The following BNIP5 variants were observed in gnomAD, a reference collection of about 807,000 sequenced individuals.
BNIP5 encodes BCL2 interacting protein 5.
In BNIP5, 61 loss-of-function variants were observed where a neutral mutation model predicts 67.3. The observed-to-expected ratio is 0.91, with a 90% CI of 0.74 to 1.12. BNIP5 has a LOEUF of 1.12. BNIP5 is among the 50% of genes most tolerant of loss of function. The pLI is 0.00. For synonymous variants in BNIP5, 317 were observed against 319.0 expected (o/e 0.99, Z 0.07); for missense variants, 826 against 816.3 (o/e 1.01, Z -0.14).
intron 4 of BNIP5, 136 bp downstream of exon 4, chr6:36,326,894 G>T: frequency 7.1e-7 from 1 of 1,410,566 alleles, no homozygotes; most frequent in Non-Finnish European, 1.0e-6. Flanking sequence ...GGGGAGGGCT[G>T]AGTTCTGAAG....
At position 36,330,489 on chromosome 6, in the gene BNIP5, C is replaced by T; in HGVS notation, c.202G>A (p.Ala68Thr). ...GGGGCTGCAGCGGTGGTGCAGTGAG[C>T]CTCTGCAGATGGAGCTGGGCTGTCT... ...HSDSPAPSAE[A>T]HCTTAAAPTP... The change falls in exon 2 of 12, where the codon GCT (alanine) becomes ACT (threonine). Residue 68 changes from alanine to threonine, a missense_variant. Transcript: ENST00000437635. 1.9e-6 allele frequency: 3 copies of T among 1,614,158 alleles called. No individual in the cohort carries two copies. The highest frequency in any genetic ancestry group is 1.7e-6 in the Non-Finnish European group (2 of 1,180,018).
chr6:36,319,582 A>C lies in BNIP5; in HGVS notation c.1697T>G (p.Phe566Cys). The change falls in exon 11 of 12, where the codon TTT (phenylalanine) becomes TGT (cysteine). Residue 566 changes from phenylalanine (F) to cysteine (C), a missense_variant. Transcript: ENST00000437635. ...GGAGGAGTCCGAGAACTCGTAAAAAAACCTCTTAAAGCTGGGGTGGCGCCT... is the reference window on the plus strand; with the variant it reads ...GGAGGAGTCCGAGAACTCGTAAAAACACCTCTTAAAGCTGGGGTGGCGCCT... ...QIRRHPSFKR[F>C]FYEFSDSSLS... is the part of the protein sequence containing the mutation. The C allele has an allele frequency of 6.2e-7, 1 of 1,613,242 alleles. No individual in the cohort carries two copies. Among genetic ancestry groups the C allele is most frequent in the Non-Finnish European group, 8.5e-7 (1 of 1,179,302 alleles).
In BNIP5 at chr6:36,326,504, G is replaced by C; in HGVS notation, c.1036+6C>G. 1 of 1,614,150 alleles carries C rather than the reference G, an allele frequency of 6.2e-7. No homozygotes were observed. The highest frequency in any genetic ancestry group is 1.3e-5 in the African/African-American group (1 of 75,048). ...GGTTGCTATGGCAACTGCAGAGCCT[G>C]CTCACCATAGCTGCTGGAGATGGAA... On this transcript the variant is annotated splice_donor_region_variant and intron_variant, in intron 5 of 11. Transcript: ENST00000437635.
intron 2 of BNIP5, 73 bp from the exon 3 acceptor site, chr6:36,328,787 G>T: frequency 1.1e-6 from 1 of 930,910 alleles, no homozygotes; most frequent in Non-Finnish European, 1.8e-6. Flanking sequence ...TCCTGACTTT[G>T]TTCATCAACA....
intron 6 of BNIP5, among the ~76,000 whole-genome samples, chr6:36,324,585 A>G (rs1231362910): frequency 5.2e-4 from 1 of 1,934 alleles, no homozygotes; most frequent in Non-Finnish European, 1.0e-3. Context: ...TTATATATAT[A>G]TATATATATA....
intron 7 of BNIP5, 139 bp downstream of exon 7, chr6:36,323,990 A>G (rs1771695917): frequency 7.4e-6 from 5 of 678,628 alleles, no homozygotes; most frequent in East Asian, 2.5e-5. Flanking sequence ...ACAGAGCAAG[A>G]CTCCGTCTCC....
chr6:36,317,400 A>G lies in BNIP5; in HGVS notation c.1924-9T>C. On this transcript the variant is annotated splice_polypyrimidine_tract_variant and intron_variant, in intron 11 of 11. Transcript: ENST00000437635. ...TTAGGACTTGTGATGTTCTGGGAAG[A>G]GAAAAAGAACATAGGTGTTAGCCAC... The G allele has an allele frequency of 1.2e-6, 2 of 1,611,924 alleles. No individual in the cohort carries two copies. The highest frequency in any genetic ancestry group is 8.5e-7 in the Non-Finnish European group (1 of 1,177,988).
Position 36,330,473 on chromosome 6 carries a change from G to A in BNIP5, c.218C>T (p.Ala73Val). The change falls in exon 2 of 12, where the codon GCT becomes GTT. Residue 73 changes from alanine (A) to valine (V), a missense_variant. By Grantham distance (64) the Ala-to-Val change is moderately conservative. Transcript: ENST00000437635. ...GGTCTCCTCGGGAGTGGGGGCTGCA[G>A]CGGTGGTGCAGTGAGCCTCTGCAGA... is the stretch of plus-strand genomic sequence containing the variant. ...APSAEAHCTTAAAPTPEETGD... is the reference protein window; with the variant it reads ...APSAEAHCTTVAAPTPEETGD... 2.5e-6 allele frequency: 4 copies of A among 1,614,234 alleles called. No individual in the cohort carries two copies. Among genetic ancestry groups the A allele is most frequent in the Non-Finnish European group, 3.4e-6 (4 of 1,180,046 alleles).
chr6:36,328,649 A>T lies in BNIP5; in HGVS notation c.676T>A (p.Ser226Thr). Residue 226 changes from serine (S) to threonine (T), a missense_variant, in exon 3 of 12, where the codon TCT (serine) becomes ACT (threonine). Physicochemically the swap from Ser to Thr is moderately conservative, Grantham distance 58. Coordinates refer to ENST00000437635, the MANE Select transcript of BNIP5 (RefSeq NM_001010903.5). ...TGCTGATGACCTGTGGCATGGGGAG[A>T]AACATCCAAAGCTCCAGTACCATCC... ...KVDGTGALDV[S>T]PHATGHQQEE... The T allele has an allele frequency of 6.2e-7, 1 of 1,614,072 alleles. No individual in the cohort carries two copies. The highest frequency in any genetic ancestry group is 8.5e-7 in the Non-Finnish European group (1 of 1,179,956).
intron 11 of BNIP5, among the ~76,000 whole-genome samples, chr6:36,317,806 AAATGAATGAATG>A (rs71971570): frequency 2.6e-5 from 4 of 151,682 alleles, no homozygotes; most frequent in East Asian, 3.9e-4. Flanking sequence ...GCTACCAGTT[AAATGAATGAATG>A]AATGAATGAA....
At position 36,330,665 on chromosome 6, in the gene BNIP5, C is replaced by T; in HGVS notation, c.26G>A (p.Arg9Lys). The change falls in exon 2 of 12, where the codon AGG becomes AAG. Residue 9 changes from arginine to lysine, a missense_variant. Physicochemically the swap from Arg to Lys is conservative, Grantham distance 26. Coordinates refer to ENST00000437635, the MANE Select transcript of BNIP5 (RefSeq NM_001010903.5). MENPRCPR[R>K]PLAEKKARSL... is the part of the protein sequence containing the mutation. Reference sequence around the variant, plus strand: ...CCTGGCTTTCTTCTCCGCCAGGGGCCTCCTTGGGCACCTTGGATTCTCCAT... The same window carrying T: ...CCTGGCTTTCTTCTCCGCCAGGGGCTTCCTTGGGCACCTTGGATTCTCCAT... 1 of 1,591,242 alleles carries T rather than the reference C, an allele frequency of 6.3e-7. No homozygotes were observed. The highest frequency in any genetic ancestry group is 8.5e-7 in the Non-Finnish European group (1 of 1,174,080).
intron 9 of BNIP5, 22 bp downstream of exon 9, chr6:36,322,289 T>C (rs746899855): frequency 1.2e-6 from 2 of 1,613,674 alleles, no homozygotes; most frequent in Non-Finnish European, 1.7e-6. Context: ...GCTGTCCAGG[T>C]AAGAGCAGGG....
At position 36,329,973 on chromosome 6, in the gene BNIP5, C is replaced by G. The variant is rs148100546; in HGVS notation, c.610+108G>C. On this transcript the variant is annotated intron_variant, in intron 2 of 11. Transcript: ENST00000437635. ...GGAAGGAAGGAAGTCACAGCGGTGC[C>G]GGCCCCTGACAGCTCCCCCGACTAT... is the stretch of plus-strand genomic sequence containing the variant. 2.4e-3 allele frequency: 3,000 copies of G among 1,271,010 alleles called. 30 individuals are homozygous for G. In the African/African-American group the frequency reaches 0.027, roughly 11 times the overall value. The allele number at this position is 1,271,010 out of a possible 1,614,324, so 78.7% of individuals were successfully genotyped here.
Position 36,324,114 on chromosome 6 carries a change from G to A in BNIP5, c.1230+15C>T. 4.4e-6 allele frequency: 7 copies of A among 1,608,736 alleles called. No individual in the cohort carries two copies. Among genetic ancestry groups the A allele is most frequent in the Non-Finnish European group, 6.0e-6 (7 of 1,175,170 alleles). ...CACAGTGAGGTCAGGGTTACATGGG[G>A]AGCGTCTTCCTCACCTCCTCTCCTT... On this transcript the variant is annotated intron_variant, in intron 7 of 11. Transcript: ENST00000437635.
chr6:36,323,966 C>T (rs1039168164), intron 7 of BNIP5, among the ~76,000 whole-genome samples, 163 bp downstream of exon 7: 7 of 145,846 alleles, frequency 4.8e-5, no homozygotes, highest in Non-Finnish European at 1.0e-4. Flanking sequence ...AGCCACTGTG[C>T]TTTAGCCTGG....
At chr6:36,327,228 C>A in intron 3 of BNIP5, 134 bp from the exon 4 acceptor site, 3 of 777,350 alleles carry the variant, frequency 3.9e-6, no homozygotes, top group Middle Eastern at 2.3e-4. Context: ...ATCCCAGGGG[C>A]AGGTTCTTCT....
chr6:36,328,795 A>C, intron 2 of BNIP5, 81 bp from the exon 3 acceptor site: 1 of 871,840 alleles, frequency 1.1e-6, no homozygotes, highest in East Asian at 2.4e-5. Flanking sequence ...TTGTTCATCA[A>C]CACGAGAAAA....
In BNIP5 at chr6:36,325,345, G is replaced by T. The variant is rs1771737703; in HGVS notation, c.1106C>A (p.Pro369His). 1 of 1,614,004 alleles carries T rather than the reference G, an allele frequency of 6.2e-7. No individual in the cohort carries two copies. Among genetic ancestry groups the T allele is most frequent in the South Asian group, 1.1e-5 (1 of 91,086 alleles). The change falls in exon 6 of 12, where the codon CCC (proline) becomes CAC (histidine). Residue 369 changes from proline (P) to histidine (H), a missense_variant. Coordinates refer to ENST00000437635, the MANE Select transcript of BNIP5 (RefSeq NM_001010903.5). ...AGGTTCCTGGCTCTCTGATGGGGTG[G>T]GAAGCACGGAGGGACCTGGAGCCCC... ...EAGAPGPSVL[P>H]TPSESQEPGE... is the part of the protein sequence containing the mutation.
intron 6 of BNIP5, 54 bp from the exon 7 acceptor site, chr6:36,324,244 G>T: frequency 6.6e-7 from 1 of 1,505,902 alleles, no homozygotes; most frequent in South Asian, 1.1e-5. Flanking sequence ...TCTCTTCTGC[G>T]GTCAGTCTTC....
Sources: gnomAD v4.1 joint callset for allele counts (sites outside exome capture counted in the v4.1 genomes callset) on GRCh38, gnomAD v4.1.1 for gene constraint, MANE v1.5 for transcripts, NCBI Gene and HGNC (gene_info 2026-07-23, HGNC 2026-07-21) for gene names.